Variants in ASIC2 observed in about 807,000 individuals in gnomAD.
ASIC2 encodes the protein acid sensing ion channel subunit 2, also known as acid-sensing ion channel 2.
Under a neutral mutation model 57.3 loss-of-function variants are expected in ASIC2, and 25 were observed. The ratio of observed to expected loss-of-function variants is 0.44; its 90% CI spans 0.32 to 0.61. The LOEUF (loss-of-function observed/expected upper bound fraction) is 0.61. Among genes scored for constraint, ASIC2 ranks in the 20% least tolerant of loss-of-function variants. The pLI, the probability that ASIC2 is intolerant of heterozygous loss-of-function variation, is 0.06. For missense variants in ASIC2, 641 were observed against 738.1 expected, an observed-to-expected ratio of 0.87 and a Z score of 1.52; for synonymous variants, 319 against 307.5, an observed-to-expected ratio of 1.04 and a Z score of -0.39.
At chr17:34,091,408 G>T (rs1304072826) in intron 1 of ASIC2, among the ~76,000 whole-genome samples, 1 of 152,254 alleles carries the variant, frequency 6.6e-6, no homozygotes, top group Non-Finnish European at 1.5e-5. Context: ...GAGGCAGGGG[G>T]CCTGTAGGAG....
rs181402244 is a variant in ASIC2, at chr17:33,377,060, G to T, written c.556-264993C>A. On this transcript the variant is annotated intron_variant, in intron 1 of 9. Coordinates refer to the ASIC2 transcript ENST00000359872. Reference sequence around the variant, plus strand: ...TAGGATAGAAAGTTTTTTTTGGAGGGGGGGAGCGGAGATGGAGTCATGCTC... The same window carrying T: ...TAGGATAGAAAGTTTTTTTTGGAGGTGGGGAGCGGAGATGGAGTCATGCTC... Among the ~76,000 whole-genome samples the T allele has an allele frequency of 3.3e-5, 5 of 152,050 alleles. 1 individual carries two copies. In the South Asian group the frequency reaches 6.2e-4, roughly 19 times the overall value.
chr17:34,034,056 C>T (rs953086665), intron 1 of ASIC2, among the ~76,000 whole-genome samples: 2 of 151,924 alleles, frequency 1.3e-5, no homozygotes, highest in African/African-American at 4.8e-5. Flanking sequence ...GAGACACAAC[C>T]AAAAAAGAGA....
chr17:33,229,214 G>A (rs1350624342), intron 1 of ASIC2, among the ~76,000 whole-genome samples: 4 of 152,164 alleles, frequency 2.6e-5, no homozygotes, highest in Non-Finnish European at 5.9e-5. Context: ...GGAAATGCGG[G>A]GGGAAAGTGG....
At chr17:34,036,676 ATTTGTTTT>A (rs1487642667) in intron 1 of ASIC2, 61 of 110,108 alleles carry the variant, frequency 5.5e-4, no homozygotes, top group African/African-American at 2.2e-3. Flanking sequence ...GATACTTTGA[ATTTGTTTT>A]TTTTTTTTTT....
At chr17:33,976,266 T>A (rs1246059197) in intron 1 of ASIC2, among the ~76,000 whole-genome samples, 1 of 152,062 alleles carries the variant, frequency 6.6e-6, no homozygotes, top group Admixed American at 6.5e-5. Context: ...GTACGAGTGT[T>A]ACTTGGTCTA....
At chr17:33,288,546 C>T (rs1597667325) in intron 1 of ASIC2, among the ~76,000 whole-genome samples, 1 of 152,202 alleles carries the variant, frequency 6.6e-6, no homozygotes, top group East Asian at 1.9e-4. Flanking sequence ...AGAAGGGAAA[C>T]CATGTGCTTT....
intron 1 of ASIC2, among the ~76,000 whole-genome samples, chr17:33,715,155 G>T (rs1194959659): frequency 6.6e-6 from 1 of 151,830 alleles, no homozygotes; most frequent in Admixed American, 6.6e-5. Flanking sequence ...AGATGCTGCT[G>T]CACTTGACTA....
At chr17:33,144,176 C>CA (rs1371084634) in intron 1 of ASIC2, among the ~76,000 whole-genome samples, 1 of 151,354 alleles carries the variant, frequency 6.6e-6, no homozygotes, top group Non-Finnish European at 1.5e-5. Context: ...AAACGAAAAA[C>CA]AAAAACAAAA....
At chr17:33,192,473 A>C (rs1906467504) in intron 1 of ASIC2, among the ~76,000 whole-genome samples, 1 of 152,044 alleles carries the variant, frequency 6.6e-6, no homozygotes, top group South Asian at 2.1e-4. Context: ...AAAAACCAAG[A>C]CAGAGTTTGC....
At chr17:34,119,079 C>T (rs903647920) in intron 1 of ASIC2, among the ~76,000 whole-genome samples, 2 of 152,182 alleles carry the variant, frequency 1.3e-5, no homozygotes, top group African/African-American at 4.8e-5. Context: ...CATCCTCTTC[C>T]CCAGTCATGG....
intron 1 of ASIC2, among the ~76,000 whole-genome samples, chr17:33,713,703 T>C (rs1909125914): frequency 6.6e-6 from 1 of 152,256 alleles, no homozygotes; most frequent in African/African-American, 2.4e-5. Flanking sequence ...TTCAACGCAG[T>C]ATAGCTGCAG....
chr17:34,038,947 A>G, intron 1 of ASIC2: 1 of 1,613,138 alleles, frequency 6.2e-7, no homozygotes, highest in Non-Finnish European at 8.5e-7. Context: ...TCCACTGCTC[A>G]GTAAATTTGG....
chr17:33,851,262 G>A (rs983000457), intron 1 of ASIC2, among the ~76,000 whole-genome samples: 3 of 152,122 alleles, frequency 2.0e-5, no homozygotes, highest in South Asian at 4.1e-4. Context: ...AGGGCCCTAG[G>A]CAGAGGGTCC....
intron 1 of ASIC2, among the ~76,000 whole-genome samples, chr17:33,699,849 G>A (rs969868657): frequency 6.6e-6 from 1 of 152,148 alleles, no homozygotes; most frequent in African/African-American, 2.4e-5. Flanking sequence ...TAATAATAGT[G>A]CCCATGTCAT....
intron 1 of ASIC2, among the ~76,000 whole-genome samples, chr17:33,986,303 CA>C (rs1567779270): frequency 6.6e-6 from 1 of 151,536 alleles, no homozygotes; most frequent in Non-Finnish European, 1.5e-5. Flanking sequence ...GGCAGATGTC[CA>C]AAGTGAAGTT....
At chr17:33,682,065 T>TTTTC (rs1016729368) in intron 1 of ASIC2, among the ~76,000 whole-genome samples, 8 of 147,712 alleles carry the variant, frequency 5.4e-5, no homozygotes, top group African/African-American at 2.1e-4. Flanking sequence ...GACATCTTTT[T>TTTTC]TTTTTTTTTT....
At chr17:33,246,997 C>T (rs2142126844) in intron 1 of ASIC2, among the ~76,000 whole-genome samples, 2 of 152,280 alleles carry the variant, frequency 1.3e-5, no homozygotes, top group East Asian at 3.9e-4. Context: ...ATGTAGTTAG[C>T]TCCAAAATAC....
At chr17:33,398,094 C>T (rs929332699) in intron 1 of ASIC2, among the ~76,000 whole-genome samples, 2 of 152,184 alleles carry the variant, frequency 1.3e-5, no homozygotes, top group Non-Finnish European at 2.9e-5. Flanking sequence ...CACTAACCGA[C>T]TCTATGTTTT....
At chr17:34,050,642 A>C (rs761516759) in intron 1 of ASIC2, among the ~76,000 whole-genome samples, 1 of 152,116 alleles carries the variant, frequency 6.6e-6, no homozygotes, top group Non-Finnish European at 1.5e-5. Context: ...TTGAACATCT[A>C]CTCTGTGCTT....
Sources: allele counts gnomAD v4.1 joint callset (sites outside exome capture counted in the v4.1 genomes callset), GRCh38; gene constraint gnomAD v4.1.1; transcripts MANE v1.5; gene names NCBI Gene and HGNC (gene_info 2026-07-23, HGNC 2026-07-21).